Variants in CNOT4 observed in about 807,000 individuals in gnomAD.
CNOT4 encodes CCR4-NOT transcription complex subunit 4.
In CNOT4, 8 loss-of-function variants were observed where a neutral mutation model predicts 73.8. The ratio of observed to expected loss-of-function variants is 0.11; its 90% CI spans 0.06 to 0.20. The LOEUF (loss-of-function observed/expected upper bound fraction) is 0.20, where lower values mean the gene tolerates loss of function less well. Ranked by LOEUF, CNOT4 falls within the 10% of genes least tolerant of loss-of-function variation. The probability of loss-of-function intolerance (pLI) is 1.00; values close to 1 mark genes in which losing one functional copy is unlikely to be tolerated. For missense variants in CNOT4, 564 were observed against 883.4 expected, an observed-to-expected ratio of 0.64 and a Z score of 4.58; for synonymous variants, 293 against 321.1, an observed-to-expected ratio of 0.91 and a Z score of 0.94.
intron 1 of CNOT4, among the ~76,000 whole-genome samples, chr7:135,438,987 T>C (rs1799319370): frequency 6.6e-6 from 1 of 152,090 alleles, no homozygotes; most frequent in African/African-American, 2.4e-5. Context: ...AATGAAAACT[T>C]CTGAGAAACA....
intron 1 of CNOT4, among the ~76,000 whole-genome samples, chr7:135,443,193 A>C (rs1202023242): frequency 6.6e-6 from 1 of 151,590 alleles, no homozygotes; most frequent in Non-Finnish European, 1.5e-5. Context: ...TCTACCAAAA[A>C]AAAAAAAAAA....
chr7:135,414,447 T>C lies in CNOT4; in HGVS notation c.460-15A>G, dbSNP rs756979526. On this transcript the variant is annotated splice_polypyrimidine_tract_variant and intron_variant, in intron 4 of 11. Coordinates refer to ENST00000541284, the MANE Select transcript of CNOT4 (RefSeq NM_001190850.2). The stretch of plus-strand genomic sequence containing the variant: ...GCACTTGGACCCTAAAGTGAAAACA[T>C]CCCATTCCACTGTTATTAGTTAAAA... The C allele has an allele frequency of 9.0e-7, 1 of 1,107,614 alleles. No homozygotes were observed. Among genetic ancestry groups the C allele is most frequent in the East Asian group, 2.4e-5 (1 of 42,360 alleles). The allele number at this position is 1,107,614 out of a possible 1,614,324, so 68.6% of individuals were successfully genotyped here.
intron 1 of CNOT4, among the ~76,000 whole-genome samples, chr7:135,490,701 T>C (rs1384594563): frequency 6.6e-6 from 1 of 152,198 alleles, no homozygotes; most frequent in East Asian, 1.9e-4. Context: ...GCTGACATGA[T>C]TTAGTAAAAT....
chr7:135,413,703 C>T (rs1387070217), intron 5 of CNOT4, 90 bp from the exon 6 acceptor site: 19 of 1,309,242 alleles, frequency 1.5e-5, no homozygotes, highest in Middle Eastern at 4.1e-4. Flanking sequence ...TTCAAGTCAC[C>T]TAAAATGAGG....
intron 1 of CNOT4, among the ~76,000 whole-genome samples, chr7:135,485,066 G>T (rs1188041684): frequency 6.6e-6 from 1 of 152,056 alleles, no homozygotes; most frequent in East Asian, 1.9e-4. Flanking sequence ...ATCTTAGGAA[G>T]GATTTTGTTT....
rs80166425 is a variant in CNOT4, at chr7:135,401,546, T to C, written c.822-3320A>G. 2.2e-3 allele frequency among the ~76,000 whole-genome samples: 337 copies of C among 152,272 alleles called. 12 individuals carry two copies. The East Asian group carries it at 0.053, about 24-fold the overall frequency. On this transcript the variant is annotated intron_variant, in intron 7 of 11. Transcript: ENST00000541284. ...AATTACTTGCATTTTGAAGCTAAAG[T>C]TTTGTTGTTCATTCCATTTTCAATG... is the stretch of plus-strand genomic sequence containing the variant.
chr7:135,395,710 A>G lies in CNOT4; in HGVS notation c.1053T>C (p.Leu351=). 1 of 1,614,030 alleles carries G rather than the reference A, an allele frequency of 6.2e-7. No homozygotes were observed. Among genetic ancestry groups the G allele is most frequent in the Non-Finnish European group, 8.5e-7 (1 of 1,179,946 alleles). Residue 351 remains leucine (L), a synonymous_variant, in exon 9 of 12, where the codon CTT becomes CTC. Coordinates refer to ENST00000541284, the MANE Select transcript of CNOT4 (RefSeq NM_001190850.2). ...FRHPNPIPSG[L]PPFPSSPQTS... ...TCTGTGGGGAGCTGGGGAAAGGAGGAAGCCCACTTGGGATAGGGTTGGGAT... is the reference window on the plus strand; with the variant it reads ...TCTGTGGGGAGCTGGGGAAAGGAGGGAGCCCACTTGGGATAGGGTTGGGAT...
intron 10 of CNOT4, among the ~76,000 whole-genome samples, chr7:135,389,135 A>T (rs866087568): frequency 4.4e-4 from 61 of 137,976 alleles, no homozygotes; most frequent in African/African-American, 1.5e-3. Context: ...AATACAATAG[A>T]TTTAGATTAT....
intron 2 of CNOT4, among the ~76,000 whole-genome samples, chr7:135,430,017 T>C (rs985896032): frequency 1.3e-5 from 2 of 152,180 alleles, no homozygotes; most frequent in Non-Finnish European, 2.9e-5. Flanking sequence ...TACAGGAATA[T>C]TGTGATAGCT....
chr7:135,430,684 G>C (rs1798774604), intron 2 of CNOT4, among the ~76,000 whole-genome samples: 1 of 151,924 alleles, frequency 6.6e-6, no homozygotes, highest in South Asian at 2.1e-4. Flanking sequence ...TGTTTCAACA[G>C]AATAAAAGGA....
intron 1 of CNOT4, among the ~76,000 whole-genome samples, chr7:135,477,283 C>A (rs181510296): frequency 1.3e-5 from 2 of 151,576 alleles, no homozygotes; most frequent in Non-Finnish European, 2.9e-5. Context: ...GCAGAGGTTG[C>A]AGTGAGCTGG....
At chr7:135,426,739 A>G (rs534326713) in intron 2 of CNOT4, among the ~76,000 whole-genome samples, 2 of 152,218 alleles carry the variant, frequency 1.3e-5, no homozygotes, top group Non-Finnish European at 2.9e-5. Flanking sequence ...CCTGGCCAAC[A>G]TGGTGAAACC....
intron 2 of CNOT4, among the ~76,000 whole-genome samples, chr7:135,434,569 G>A (rs1799039235): frequency 6.6e-6 from 1 of 152,186 alleles, no homozygotes; most frequent in Non-Finnish European, 1.5e-5. Flanking sequence ...CTGTTGGAAA[G>A]TTTTGGTGCT....
At chr7:135,509,024 T>G (rs28431082) in intron 1 of CNOT4, 1 of 151,832 alleles carries the variant, frequency 6.6e-6, no homozygotes, top group Non-Finnish European at 1.5e-5. Context: ...CTCTCCGGAG[T>G]AGCCTGAATA....
Position 135,362,868 on chromosome 7 carries a change from T to A in CNOT4, c.*17A>T, listed in dbSNP as rs200508192. On this transcript the variant is annotated 3_prime_UTR_variant, in exon 12 of 12. Transcript: ENST00000541284. The stretch of plus-strand genomic sequence containing the variant: ...GTGGGACAAATCCTGCATTTTCTAA[T>A]GGTTGCTCCTCTTTGCCTAATGGCG... 1 of 1,607,590 alleles carries A rather than the reference T, an allele frequency of 6.2e-7. No individual in the cohort carries two copies. Among genetic ancestry groups the A allele is most frequent in the Non-Finnish European group, 8.5e-7 (1 of 1,174,228 alleles).
At chr7:135,431,088 G>A (rs2129484975) in intron 2 of CNOT4, among the ~76,000 whole-genome samples, 1 of 152,164 alleles carries the variant, frequency 6.6e-6, no homozygotes, top group Non-Finnish European at 1.5e-5. Context: ...AACACAGCGA[G>A]ACCTTTACAA....
chr7:135,474,656 T>C (rs1183884108), intron 1 of CNOT4, among the ~76,000 whole-genome samples: 1 of 152,204 alleles, frequency 6.6e-6, no homozygotes, highest in Non-Finnish European at 1.5e-5. Flanking sequence ...AGTTTAAGTT[T>C]TGCATGTCTC....
intron 1 of CNOT4, among the ~76,000 whole-genome samples, chr7:135,498,596 T>G (rs1803749661): frequency 6.6e-6 from 1 of 152,116 alleles, no homozygotes; most frequent in Non-Finnish European, 1.5e-5. Context: ...TCACCCAGGC[T>G]GGAGTGCAAT....
chr7:135,387,680 G>A, intron 10 of CNOT4: 5 of 985,030 alleles, frequency 5.1e-6, no homozygotes, highest in Non-Finnish European at 6.0e-6. Context: ...TTCTGAATCA[G>A]CTTTTGTCCA....
Sources: allele counts gnomAD v4.1 joint callset (sites outside exome capture counted in the v4.1 genomes callset), GRCh38; gene constraint gnomAD v4.1.1; transcripts MANE v1.5; gene names NCBI Gene and HGNC (gene_info 2026-07-23, HGNC 2026-07-21).